The following CFAP251 variants were observed in gnomAD, a reference collection of about 807,000 sequenced individuals.
The protein encoded by CFAP251 is cilia and flagella associated protein 251.
CFAP251 carries 93 observed loss-of-function variants against 126.7 expected under a neutral mutation model. The observed-to-expected ratio is 0.73, with a 90% CI of 0.62 to 0.87. The LOEUF (loss-of-function observed/expected upper bound fraction) is 0.87. CFAP251 is among the 40% of genes least tolerant of loss of function. The probability of loss-of-function intolerance (pLI) is 0.00; values close to 1 mark genes in which losing one functional copy is unlikely to be tolerated. For synonymous variants in CFAP251, 503 were observed against 506.9 expected (o/e 0.99, Z 0.10); for missense variants, 1,287 against 1,389.2 (o/e 0.93, Z 1.17).
rs1428930364 is a variant in CFAP251, at chr12:121,967,083, C to G, written c.2607+14C>G. 1.2e-6 allele frequency: 2 copies of G among 1,606,716 alleles called. No homozygotes were observed. The highest frequency in any genetic ancestry group is 4.5e-5 in the East Asian group (2 of 44,866). ...AACAGAGACAAGGTAACAGCGCTCT[C>G]TTCTCCAGTTCTGGGAGTTGACTCT... On this transcript the variant is annotated intron_variant, in intron 16 of 21. Coordinates refer to ENST00000288912, the MANE Select transcript of CFAP251 (RefSeq NM_144668.6).
At chr12:121,980,722 C>A (rs570700511) in intron 19 of CFAP251, among the ~76,000 whole-genome samples, 3 of 152,334 alleles carry the variant, frequency 2.0e-5, no homozygotes, top group Non-Finnish European at 4.4e-5. Flanking sequence ...TGCACTTCAT[C>A]TGCATGGTTC....
intron 3 of CFAP251, 123 bp downstream of exon 3, chr12:121,924,113 C>CTT: frequency 8.1e-7 from 1 of 1,237,334 alleles, no homozygotes; most frequent in Non-Finnish European, 1.1e-6. Flanking sequence ...TAATAATAGA[C>CTT]TTGTGTTTTT....
chr12:121,928,670 G>T (rs59303038), intron 3 of CFAP251, among the ~76,000 whole-genome samples: 6 of 50,874 alleles, frequency 1.2e-4, no homozygotes, highest in East Asian at 4.5e-4. Flanking sequence ...ATATATATAC[G>T]TATATATATA....
chr12:121,995,437 T>C (rs545689550), intron 19 of CFAP251, among the ~76,000 whole-genome samples: 8 of 152,210 alleles, frequency 5.3e-5, no homozygotes, highest in Non-Finnish European at 1.0e-4. Flanking sequence ...ACTTTTATAA[T>C]ATCAATTATG....
At chr12:121,976,084 C>T (rs1776870315) in intron 19 of CFAP251, among the ~76,000 whole-genome samples, 1 of 151,558 alleles carries the variant, frequency 6.6e-6, no homozygotes, top group Non-Finnish European at 1.5e-5. Flanking sequence ...TTTTGGCTCA[C>T]TGCAACCTCC....
At chr12:121,986,464 A>AG (rs1555220571) in intron 19 of CFAP251, among the ~76,000 whole-genome samples, 1 of 146,836 alleles carries the variant, frequency 6.8e-6, no homozygotes, top group Non-Finnish European at 1.5e-5. Context: ...CGCCTGGCTA[A>AG]TTTTTTTTTT....
At chr12:121,952,644 T>G (rs1291674928) in intron 9 of CFAP251, 1 of 152,198 alleles carries the variant, frequency 6.6e-6, no homozygotes, top group African/African-American at 2.4e-5. Flanking sequence ...CTGTAGCATT[T>G]TCTGCATTTG....
chr12:121,926,498 A>C (rs901618208), intron 3 of CFAP251, among the ~76,000 whole-genome samples: 2 of 151,572 alleles, frequency 1.3e-5, no homozygotes, highest in Non-Finnish European at 2.9e-5. Flanking sequence ...AGCTAATTTT[A>C]AAAATCTTTT....
intron 15 of CFAP251, among the ~76,000 whole-genome samples, chr12:121,962,835 G>T (rs1038854705): frequency 2.6e-5 from 4 of 152,174 alleles, no homozygotes; most frequent in African/African-American, 9.6e-5. Context: ...CTGCTGTGCG[G>T]TTGGAGGAAA....
intron 12 of CFAP251, 96 bp downstream of exon 12, chr12:121,958,618 G>T: frequency 6.4e-7 from 1 of 1,556,970 alleles, no homozygotes; most frequent in African/African-American, 1.4e-5. Context: ...AAGTCTCCCC[G>T]ACTCCAGCCC....
At chr12:121,987,918 A>T (rs948906485) in intron 19 of CFAP251, among the ~76,000 whole-genome samples, 3 of 152,058 alleles carry the variant, frequency 2.0e-5, no homozygotes, top group African/African-American at 7.2e-5. Context: ...AGAAAACCCT[A>T]AAAATTCTGG....
At chr12:121,923,548 C>A in intron 2 of CFAP251, 74 bp from the exon 3 acceptor site, 1 of 1,511,950 alleles carries the variant, frequency 6.6e-7, no homozygotes, top group Non-Finnish European at 8.8e-7. Flanking sequence ...GACTGGCTGA[C>A]TGGGAATAGA....
intron 19 of CFAP251, chr12:121,992,193 A>G (rs1055413878): frequency 1.0e-6 from 1 of 985,440 alleles, no homozygotes; most frequent in Non-Finnish European, 1.2e-6. Flanking sequence ...GGGGGCGTTC[A>G]GAACAAGCTC....
intron 19 of CFAP251, 92 bp from the exon 20 acceptor site, chr12:121,999,624 C>G: frequency 7.1e-6 from 7 of 982,938 alleles, no homozygotes; most frequent in Non-Finnish European, 1.0e-5. Context: ...GCATGAGCCG[C>G]TGCACCAGCC....
At chr12:121,970,172 C>T (rs1882285840) in intron 17 of CFAP251, among the ~76,000 whole-genome samples, 1 of 152,190 alleles carries the variant, frequency 6.6e-6, no homozygotes, top group South Asian at 2.1e-4. Flanking sequence ...GTCTATGGCG[C>T]TTCTGCCCCG....
Position 121,918,842 on chromosome 12 carries a change from G to A in CFAP251, c.-21+147G>A, listed in dbSNP as rs901699091. 6.6e-6 allele frequency: 1 copy of A among 152,442 alleles called. No homozygotes were observed. The highest frequency in any genetic ancestry group is 2.4e-5 in the African/African-American group (1 of 41,558). The allele number at this position is 152,442 out of a possible 1,614,324, so 9.4% of individuals were successfully genotyped here. A position where few individuals can be genotyped will look rare whatever the true frequency, so the allele number is the denominator to read the frequency against. On this transcript the variant is annotated intron_variant, in intron 1 of 21. Coordinates refer to ENST00000288912, the MANE Select transcript of CFAP251 (RefSeq NM_144668.6). The surrounding 1 kb of genome is among the most constrained non-coding windows in gnomAD (Gnocchi z 4.3). ...GGCGGCCCCAGGGAGACCTGAGTTG[G>A]AGGCAGAGGCCGCACCTGGGCTTTA...
intron 1 of CFAP251, 104 bp from the exon 2 acceptor site, chr12:121,921,182 G>T (rs1880155228): frequency 7.9e-7 from 1 of 1,272,838 alleles, no homozygotes; most frequent in African/African-American, 1.5e-5. Context: ...CCTATGGAAA[G>T]GGAACAGAGC....
At chr12:121,995,779 C>A (rs925975443) in intron 19 of CFAP251, among the ~76,000 whole-genome samples, 1 of 152,152 alleles carries the variant, frequency 6.6e-6, no homozygotes, top group Non-Finnish European at 1.5e-5. Context: ...AGCCACCATG[C>A]CTGACCTGGA....
chr12:121,972,940 A>C (rs1009157739), intron 17 of CFAP251, among the ~76,000 whole-genome samples: 1 of 152,224 alleles, frequency 6.6e-6, no homozygotes, highest in Non-Finnish European at 1.5e-5. Flanking sequence ...TTTTCTGAGG[A>C]GAAATTCAAC....
Sources: allele counts gnomAD v4.1 joint callset (sites outside exome capture counted in the v4.1 genomes callset), GRCh38; gene constraint gnomAD v4.1.1; non-coding constraint Gnocchi (gnomAD v3.1); transcripts MANE v1.5; gene names NCBI Gene and HGNC (gene_info 2026-07-23, HGNC 2026-07-21).